Variants in ATG7 observed in about 807,000 individuals in gnomAD.
The protein encoded by ATG7 is ubiquitin-like modifier-activating enzyme ATG7.
ATG7 carries 70 observed loss-of-function variants against 82.4 expected under a neutral mutation model. The ratio of observed to expected loss-of-function variants is 0.85; its 90% CI spans 0.70 to 1.04. The LOEUF (loss-of-function observed/expected upper bound fraction) is 1.04. Among genes scored for constraint, ATG7 ranks in the 50% least tolerant of loss-of-function variants. The pLI is 0.00. For missense variants in ATG7, 792 were observed against 864.3 expected, an observed-to-expected ratio of 0.92 and a Z score of 1.05; for synonymous variants, 287 against 313.0, an observed-to-expected ratio of 0.92 and a Z score of 0.88.
rs540611195 is a variant in ATG7 at position 11,456,807 on chromosome 3, C to T, written c.2079+29881C>T. Among the ~76,000 whole-genome samples, 5 of 152,244 alleles carry T rather than the reference C, an allele frequency of 3.3e-5. No homozygotes were observed. The East Asian group carries it at 9.7e-4, about 29-fold the overall frequency. ...AACCCTAAACTGTGTCACATTTTTT[C>T]GCGTTCACACTGTATGTGTACCCTT... On this transcript the variant is annotated intron_variant, in intron 20 of 20. Transcript: ENST00000693202.
At chr3:11,380,721 C>G (rs144226090) in intron 19 of ATG7, among the ~76,000 whole-genome samples, 1 of 152,176 alleles carries the variant, frequency 6.6e-6, no homozygotes, top group Admixed American at 6.5e-5. Flanking sequence ...TGCTGCCCAG[C>G]GACTTGACCT....
intron 19 of ATG7, among the ~76,000 whole-genome samples, chr3:11,424,063 C>T (rs1051408453): frequency 2.6e-5 from 4 of 152,100 alleles, no homozygotes; most frequent in Non-Finnish European, 5.9e-5. Context: ...GGACTTCCTG[C>T]CAGCTATCTA....
intron 18 of ATG7, among the ~76,000 whole-genome samples, chr3:11,371,533 C>T (rs771170454): frequency 6.6e-6 from 1 of 150,874 alleles, no homozygotes; most frequent in Admixed American, 6.6e-5. Context: ...GGATTTGAGT[C>T]GTTTGGTCTT....
intron 20 of ATG7, chr3:11,510,391 A>C: frequency 4.9e-6 from 2 of 411,430 alleles, no homozygotes; most frequent in South Asian, 3.5e-5. Context: ...TTAAAAAAAA[A>C]AAAAAATCTG....
At chr3:11,438,873 C>T (rs917604271) in intron 20 of ATG7, among the ~76,000 whole-genome samples, 3 of 151,984 alleles carry the variant, frequency 2.0e-5, no homozygotes, top group South Asian at 2.1e-4. Flanking sequence ...TGGAGGCTTC[C>T]CTGGGAGGTG....
intron 14 of ATG7, chr3:11,348,381 G>C (rs1954906860): frequency 5.1e-6 from 1 of 197,658 alleles, no homozygotes; most frequent in African/African-American, 2.4e-5. Flanking sequence ...TGTGTCTGGA[G>C]TTTCTTCCTT....
chr3:11,405,169 T>C (rs889609039), intron 19 of ATG7, among the ~76,000 whole-genome samples: 13 of 152,202 alleles, frequency 8.5e-5, no homozygotes, highest in African/African-American at 3.1e-4. Flanking sequence ...GGGTGAATTC[T>C]GAATCAGGTC....
At chr3:11,454,764 T>C (rs928432360) in intron 20 of ATG7, among the ~76,000 whole-genome samples, 1 of 152,234 alleles carries the variant, frequency 6.6e-6, no homozygotes, top group African/African-American at 2.4e-5. Context: ...AAGCTCAGTG[T>C]GTGTTTACTG....
intron 7 of ATG7, among the ~76,000 whole-genome samples, chr3:11,311,603 C>CAAAA (rs1320350651): frequency 1.2e-5 from 1 of 82,232 alleles, no homozygotes; most frequent in African/African-American, 4.6e-5. Context: ...AGACTGTCTC[C>CAAAA]AAAAAAAAAA....
intron 1 of ATG7, among the ~76,000 whole-genome samples, chr3:11,277,906 C>CCAGGAAT (rs1559310411): frequency 7.4e-6 from 1 of 135,778 alleles, no homozygotes; most frequent in Non-Finnish European, 1.6e-5. Context: ...CCCCCCCCCA[C>CCAGGAAT]CAGGAATGCA....
chr3:11,298,674 GT>G lies in ATG7; in HGVS notation c.-10-6del, dbSNP rs762314599. ...ATGTTATTTTGCTGTGTTCTGTTTTGTTTTTTAATAGGCAAGAAATAATGGC... is the reference window on the plus strand; with the variant it reads ...ATGTTATTTTGCTGTGTTCTGTTTTGTTTTTAATAGGCAAGAAATAATGGC... On this transcript the variant is annotated splice_polypyrimidine_tract_variant and intron_variant, in intron 3 of 20. Coordinates refer to ENST00000693202, the MANE Select transcript of ATG7 (RefSeq NM_001349232.2). The G allele has an allele frequency of 1.2e-5, 20 of 1,609,440 alleles. No individual in the cohort carries two copies. Among genetic ancestry groups the G allele is most frequent in the Non-Finnish European group, 1.6e-5 (19 of 1,177,500 alleles).
chr3:11,294,416 G>A (rs1389823329), intron 3 of ATG7, among the ~76,000 whole-genome samples: 1 of 151,758 alleles, frequency 6.6e-6, no homozygotes, highest in Non-Finnish European at 1.5e-5. Context: ...AGAGATGGGG[G>A]TTTCACCATA....
At chr3:11,568,702 C>A in the ATG7 span, 1 of 1,550,066 alleles carries the variant, frequency 6.5e-7, no homozygotes. The surrounding 1 kb of genome is among the most constrained non-coding windows in gnomAD (Gnocchi z 5.9). Flanking sequence ...CACTGCTTCC[C>A]AGGCGTCATG....
At chr3:11,392,085 T>C (rs550062452) in intron 19 of ATG7, among the ~76,000 whole-genome samples, 12 of 152,274 alleles carry the variant, frequency 7.9e-5, no homozygotes, top group Admixed American at 6.5e-4. Flanking sequence ...GGAATGTATT[T>C]CTTATGGTCA....
In ATG7 at chr3:11,347,978, T is replaced by C. The variant is rs1954821206; in HGVS notation, c.1227T>C (p.Gly409=). 1 of 1,613,790 alleles carries C rather than the reference T, an allele frequency of 6.2e-7. No homozygotes were observed. Among genetic ancestry groups the C allele is most frequent in the Non-Finnish European group, 8.5e-7 (1 of 1,179,958 alleles). Residue 409 remains glycine (G), a synonymous_variant, in exon 14 of 21, where the codon GGT becomes GGC. Coordinates refer to ENST00000693202, the MANE Select transcript of ATG7 (RefSeq NM_001349232.2). The part of the protein sequence containing the change: ...PLYEFEDCLG[G]GKPKALAAAD... ...ATGAGTTTGAAGATTGCCTAGGGGG[T>C]GGTAAGCCCAAGGCTCTGGCAGCAG...
At chr3:11,558,475 A>AT (rs369629845), downstream of ATG7, 54,398 of 754,848 alleles carry the variant, frequency 0.072, 90 homozygotes, top group Non-Finnish European at 0.083. Context: ...CACCCCCATG[A>AT]TTTTTTTTTT....
At chr3:11,303,889 C>A (rs1254524473) in intron 5 of ATG7, among the ~76,000 whole-genome samples, 1 of 127,386 alleles carries the variant, frequency 7.9e-6, no homozygotes, top group African/African-American at 3.0e-5. Flanking sequence ...CTGGTTAACA[C>A]GGTGAAACCC....
chr3:11,558,584 T>C (rs2072655787), downstream of ATG7: 1 of 1,603,804 alleles, frequency 6.2e-7, no homozygotes, highest in African/African-American at 1.3e-5. Flanking sequence ...GGAGTGACTG[T>C]GGCTGACCAT....
At chr3:11,558,477 T>G, downstream of ATG7, 4 of 1,350,826 alleles carry the variant, frequency 3.0e-6, no homozygotes, top group Non-Finnish European at 3.9e-6. Flanking sequence ...CCCCCATGAT[T>G]TTTTTTTTTT....
Sources: gnomAD v4.1 joint callset for allele counts (sites outside exome capture counted in the v4.1 genomes callset) on GRCh38, gnomAD v4.1.1 for gene constraint, Gnocchi (gnomAD v3.1) non-coding constraint, MANE v1.5 for transcripts, NCBI Gene and HGNC (gene_info 2026-07-23, HGNC 2026-07-21) for gene names.